Variants in SFMBT2 observed in about 807,000 individuals in gnomAD.
SFMBT2 encodes the protein scm-like with four MBT domains protein 2.
Under a neutral mutation model 110.1 loss-of-function variants are expected in SFMBT2, and 38 were observed. That is an observed-to-expected ratio of 0.35 (90% CI 0.27 to 0.45). The LOEUF is 0.45. Ranked by LOEUF, SFMBT2 falls within the 20% of genes least tolerant of loss-of-function variation. The pLI is 1.00. For synonymous variants in SFMBT2, 425 were observed against 425.4 expected, an observed-to-expected ratio of 1.00 and a Z score of 0.01; for missense variants, 1,011 against 1,094.9, an observed-to-expected ratio of 0.92 and a Z score of 1.08.
intron 15 of SFMBT2, among the ~76,000 whole-genome samples, chr10:7,196,317 T>C (rs1399536296): frequency 2.6e-5 from 4 of 152,224 alleles, no homozygotes; most frequent in African/African-American, 9.6e-5. Flanking sequence ...TGCCACGGTT[T>C]ATCTCCAGCC....
At chr10:7,388,218 G>C (rs1845668352) in intron 1 of SFMBT2, among the ~76,000 whole-genome samples, 1 of 151,452 alleles carries the variant, frequency 6.6e-6, no homozygotes, top group Admixed American at 6.6e-5. Flanking sequence ...TTGGGAGAAA[G>C]AGCCAATGGA....
At chr10:7,409,519 A>AG (rs1474158485) in intron 1 of SFMBT2, among the ~76,000 whole-genome samples, 1 of 152,040 alleles carries the variant, frequency 6.6e-6, no homozygotes, top group African/African-American at 2.4e-5. Flanking sequence ...GCGCACACGC[A>AG]GGCCTGCACA....
chr10:7,395,965 T>C (rs1845915010), intron 1 of SFMBT2, among the ~76,000 whole-genome samples: 1 of 151,982 alleles, frequency 6.6e-6, no homozygotes, highest in Non-Finnish European at 1.5e-5. Flanking sequence ...CCAGGTGAGG[T>C]GGCTCACACG....
chr10:7,327,152 A>G (rs1588451625), intron 4 of SFMBT2, among the ~76,000 whole-genome samples: 1 of 152,000 alleles, frequency 6.6e-6, no homozygotes, highest in Non-Finnish European at 1.5e-5. Flanking sequence ...AAAAAAAAAA[A>G]AAGTTCTCCC....
At chr10:7,215,567 A>C in intron 11 of SFMBT2, 3 of 985,442 alleles carry the variant, frequency 3.0e-6, no homozygotes, top group Non-Finnish European at 3.6e-6. Context: ...CTGCTCAACC[A>C]AGCACTGGAA....
At chr10:7,281,869 AG>A (rs1841957230) in intron 6 of SFMBT2, among the ~76,000 whole-genome samples, 2 of 152,132 alleles carry the variant, frequency 1.3e-5, no homozygotes, top group East Asian at 3.8e-4. Context: ...TTGTTTTCAC[AG>A]AGTCTCACTC....
chr10:7,313,824 T>C (rs899109494), intron 4 of SFMBT2, among the ~76,000 whole-genome samples: 2 of 152,158 alleles, frequency 1.3e-5, no homozygotes, highest in Non-Finnish European at 2.9e-5. Flanking sequence ...GTCTCAGAAC[T>C]GTGTGTTTGG....
chr10:7,178,239 G>T (rs558967340), intron 16 of SFMBT2, among the ~76,000 whole-genome samples: 1 of 151,928 alleles, frequency 6.6e-6, no homozygotes, highest in Non-Finnish European at 1.5e-5. Flanking sequence ...TTTCCTTCTC[G>T]GTTCACATCT....
chr10:7,219,076 T>A (rs758196199), intron 11 of SFMBT2, among the ~76,000 whole-genome samples: 3 of 152,086 alleles, frequency 2.0e-5, no homozygotes, highest in Non-Finnish European at 4.4e-5. Flanking sequence ...CAAACAAGAG[T>A]CCAATCTTGT....
intron 1 of SFMBT2, among the ~76,000 whole-genome samples, chr10:7,396,146 G>T (rs1216784062): frequency 6.6e-6 from 1 of 152,206 alleles, no homozygotes; most frequent in Non-Finnish European, 1.5e-5. Context: ...GGAATTACAG[G>T]ATTCTCAAGG....
At chr10:7,193,549 C>T (rs1399876616) in intron 15 of SFMBT2, among the ~76,000 whole-genome samples, 3 of 152,152 alleles carry the variant, frequency 2.0e-5, no homozygotes, top group South Asian at 2.1e-4. Flanking sequence ...CTGCCAGGAG[C>T]GCTTGGCTGG....
At chr10:7,229,672 A>G (rs1280107587) in intron 9 of SFMBT2, among the ~76,000 whole-genome samples, 1 of 151,214 alleles carries the variant, frequency 6.6e-6, no homozygotes, top group Admixed American at 6.6e-5. Flanking sequence ...CCAAGCAAAG[A>G]ATACGAATTA....
chr10:7,216,422 TGCC>T (rs1432233510), intron 11 of SFMBT2, among the ~76,000 whole-genome samples: 2 of 152,204 alleles, frequency 1.3e-5, no homozygotes, highest in Non-Finnish European at 1.5e-5. Context: ...CATTCTCTCC[TGCC>T]GCCGCCATGT....
intron 9 of SFMBT2, among the ~76,000 whole-genome samples, chr10:7,235,154 G>A (rs182552846): frequency 2.6e-5 from 4 of 152,234 alleles, no homozygotes; most frequent in Admixed American, 2.0e-4. Context: ...AATAATCAGG[G>A]ACACCCTCAT....
At position 7,287,077 on chromosome 10, in the gene SFMBT2, C is replaced by CTTTTTTT. The variant is rs761728311; in HGVS notation, c.437-1130_437-1124dup. On this transcript the variant is annotated intron_variant, in intron 4 of 20. Coordinates refer to ENST00000397167, the MANE Select transcript of SFMBT2 (RefSeq NM_001387889.1). The stretch of plus-strand genomic sequence containing the variant: ...CAAGGAAGGAATGTATTTGAGGCAT[C>CTTTTTTT]TTTTTTTTTTTTTTTTTTTTTTGAG... Among the ~76,000 whole-genome samples the CTTTTTTT allele has an allele frequency of 7.0e-5, 7 of 99,686 alleles. 1 individual carries two copies. Among genetic ancestry groups the CTTTTTTT allele is most frequent in the Admixed American group, 3.8e-4 (3 of 7,896 alleles). The allele number at this position is 99,686 out of a possible 152,430, so 65.4% of individuals were successfully genotyped here.
intron 6 of SFMBT2, among the ~76,000 whole-genome samples, chr10:7,282,246 C>T (rs1379730520): frequency 6.6e-6 from 1 of 152,144 alleles, no homozygotes; most frequent in Non-Finnish European, 1.5e-5. Context: ...AGCTCATAAG[C>T]GAGTATTTCC....
Position 7,197,584 on chromosome 10 carries a change from C to G in SFMBT2, c.1662G>C (p.Ser554=), listed in dbSNP as rs199694660. ...CCAGCACGCATTTGCCCGGTCCCAC[C>G]GACTGAGGTAGCTCTGCAATCCTTC... is the stretch of plus-strand genomic sequence containing the variant. ...NKGRIAELPQ[S]VGPGKCVLVL... The change falls in exon 15 of 21, where the codon TCG becomes TCC. Residue 554 remains serine (S), a synonymous_variant. Transcript: ENST00000397167. 4 of 1,614,074 alleles carry G rather than the reference C, an allele frequency of 2.5e-6. No homozygotes were observed. In the South Asian group the frequency reaches 3.3e-5, roughly 13 times the overall value.
chr10:7,385,988 T>C (rs1002451474), intron 1 of SFMBT2, among the ~76,000 whole-genome samples: 8 of 151,684 alleles, frequency 5.3e-5, no homozygotes, highest in African/African-American at 1.9e-4. Flanking sequence ...GGAGAGAGAC[T>C]CTGTCTCAAA....
Position 7,266,176 on chromosome 10 carries a change from G to A in SFMBT2, c.870+10716C>T, listed in dbSNP as rs533999879. Among the ~76,000 whole-genome samples the A allele has an allele frequency of 7.9e-5, 12 of 151,728 alleles. No homozygotes were observed. In the East Asian group the frequency reaches 9.7e-4, roughly 12 times the overall value. ...ATGATCTCAGCTCACTGCAACCTCC[G>A]CCTCCCGGGTTCAAGCGATTCTCCT... On this transcript the variant is annotated intron_variant, in intron 7 of 20. Transcript: ENST00000397167.
Sources: allele counts gnomAD v4.1 joint callset (sites outside exome capture counted in the v4.1 genomes callset), GRCh38; gene constraint gnomAD v4.1.1; transcripts MANE v1.5; gene names NCBI Gene and HGNC (gene_info 2026-07-23, HGNC 2026-07-21).